SCD: variants seen among roughly 807,000 people sequenced by gnomAD.
SCD encodes stearoyl-CoA desaturase.
Under a neutral mutation model 35.7 loss-of-function variants are expected in SCD, and 4 were observed. That is an observed-to-expected ratio of 0.11 (90% CI 0.06 to 0.26). The LOEUF (loss-of-function observed/expected upper bound fraction) is 0.26. SCD is among the 10% of genes least tolerant of loss of function. SCD has a pLI of 1.00. For missense variants in SCD, 282 were observed against 460.7 expected (o/e 0.61, Z 3.55); for synonymous variants, 150 against 170.2 (o/e 0.88, Z 0.92).
At position 100,347,359 on chromosome 10, in the gene SCD, G is replaced by T. The variant is rs1240584972; in HGVS notation, c.-146G>T. 5.7e-6 allele frequency: 5 copies of T among 878,840 alleles called. No individual in the cohort carries two copies. The East Asian group carries it at 7.9e-5, about 14-fold the overall frequency. The allele number at this position is 878,840 out of a possible 1,614,324, so 54.4% of individuals were successfully genotyped here. A position where few individuals can be genotyped will look rare whatever the true frequency, so the allele number is the denominator to read the frequency against. ...CGGCTCGGGGACCTCCACGCACCGC[G>T]GCTAGCGCCGACAACCAGCTAGCGT... On this transcript the variant is annotated 5_prime_UTR_variant, in exon 1 of 6. Coordinates refer to ENST00000370355, the MANE Select transcript of SCD (RefSeq NM_005063.5).
chr10:100,360,221 CA>C (rs1368686183), intron 5 of SCD, among the ~76,000 whole-genome samples: 1 of 152,214 alleles, frequency 6.6e-6, no homozygotes, highest in East Asian at 1.9e-4. Flanking sequence ...GAGTCATAGC[CA>C]GAGTGCTTCA....
At chr10:100,349,198 A>T (rs1297737174) in intron 2 of SCD, among the ~76,000 whole-genome samples, 1 of 152,156 alleles carries the variant, frequency 6.6e-6, no homozygotes, top group Non-Finnish European at 1.5e-5. Context: ...AATGAGGGAG[A>T]CAGTTCCCAG....
rs1849933657 is a variant in SCD at position 100,356,818 on chromosome 10, T to A, written c.880+54T>A. ...TCCAGTGGTCTGCTGATTAGGGGATTAGGCTAGGAGCCAGAAAAACTAGAT... is the reference window on the plus strand; with the variant it reads ...TCCAGTGGTCTGCTGATTAGGGGATAAGGCTAGGAGCCAGAAAAACTAGAT... On this transcript the variant is annotated intron_variant, in intron 5 of 5. Coordinates refer to ENST00000370355, the MANE Select transcript of SCD (RefSeq NM_005063.5). The surrounding 1 kb of genome is among the most constrained non-coding windows in gnomAD (Gnocchi z 4.1). 1 of 1,425,314 alleles carries A rather than the reference T, an allele frequency of 7.0e-7. No individual in the cohort carries two copies. The highest frequency in any genetic ancestry group is 9.9e-7 in the Non-Finnish European group (1 of 1,012,486). 88.3% of individuals were successfully genotyped at this position (1,425,314 alleles called of 1,614,324 possible). A position where few individuals can be genotyped will look rare whatever the true frequency, so the allele number is the denominator to read the frequency against.
In SCD at chr10:100,347,444, C is replaced by G; in HGVS notation, c.-61C>G. 1.9e-6 allele frequency: 3 copies of G among 1,591,138 alleles called. No homozygotes were observed. The highest frequency in any genetic ancestry group is 8.6e-7 in the Non-Finnish European group (1 of 1,166,594). On this transcript the variant is annotated 5_prime_UTR_variant, in exon 1 of 6. Transcript: ENST00000370355. The stretch of plus-strand genomic sequence containing the variant: ...TTCGAAACCGCAGTCCTCCGGCGAC[C>G]CCGAACTCCGCTCCGGAGCCTCAGC...
At chr10:100,348,001 G>C in intron 1 of SCD, 63 bp from the exon 2 acceptor site, 1 of 1,508,950 alleles carries the variant, frequency 6.6e-7, no homozygotes, top group Non-Finnish European at 9.1e-7. Flanking sequence ...ATTAGAGAGC[G>C]GAGTGGCCCC....
Position 100,352,390 on chromosome 10 carries a change from C to T in SCD, c.335C>T (p.Ala112Val). ...GGGGTATTCTACTATTTTGTCAGTG[C>T]CCTGGGCATAACAGCAGGAGCTCAT... ...LWGVFYYFVS[A>V]LGITAGAHRL... The change falls in exon 3 of 6, where the codon GCC (alanine) becomes GTC (valine). Residue 112 changes from alanine to valine, a missense_variant. By Grantham distance (64) the Ala-to-Val change is moderately conservative (BLOSUM62 0). Around this residue, in one of 2 missense-constraint regions of SCD, gnomAD observed 205 missense variants for 372.3 expected, o/e 0.55. Transcript: ENST00000370355. This position sits in a 1 kb window ranked among gnomAD's most constrained non-coding sequence, Gnocchi z 4.2. 1 of 1,613,934 alleles carries T rather than the reference C, an allele frequency of 6.2e-7. No individual in the cohort carries two copies. The highest frequency in any genetic ancestry group is 1.1e-5 in the South Asian group (1 of 91,076).
Position 100,356,306 on chromosome 10 carries a change from T to C in SCD, c.648-226T>C, listed in dbSNP as rs1849926658. Among the ~76,000 whole-genome samples the C allele has an allele frequency of 6.6e-6, 1 of 151,890 alleles. No individual in the cohort carries two copies. Among genetic ancestry groups the C allele is most frequent in the Non-Finnish European group, 1.5e-5 (1 of 67,950 alleles). ...GTGGGAGGATCTCTTGGCCCAGGAG[T>C]TCAAGGCTGTGGTGAACTAAGGTCA... On this transcript the variant is annotated intron_variant, in intron 4 of 5. Coordinates refer to ENST00000370355, the MANE Select transcript of SCD (RefSeq NM_005063.5). The surrounding 1 kb of genome is among the most constrained non-coding windows in gnomAD (Gnocchi z 4.1).
chr10:100,360,949 G>A lies in SCD; in HGVS notation c.*16G>A. ...GAGTGGCTGAGTTTGGGGTCCCTCA[G>A]GTTCCTTTTTCAAAAACCAGCCAGG... On this transcript the variant is annotated 3_prime_UTR_variant, in exon 6 of 6. Coordinates refer to ENST00000370355, the MANE Select transcript of SCD (RefSeq NM_005063.5). 2.5e-6 allele frequency: 4 copies of A among 1,611,554 alleles called. No individual in the cohort carries two copies. The highest frequency in any genetic ancestry group is 3.3e-4 in the Middle Eastern group (2 of 6,046).
At position 100,361,719 on chromosome 10, in the gene SCD, A is replaced by G. The variant is rs1048501735; in HGVS notation, c.*786A>G. 1 of 152,216 alleles carries G rather than the reference A, an allele frequency of 6.6e-6. No homozygotes were observed. Among genetic ancestry groups the G allele is most frequent in the Non-Finnish European group, 1.5e-5 (1 of 68,034 alleles). The allele number at this position is 152,216 out of a possible 1,614,324, so 9.4% of individuals were successfully genotyped here. ...AAAGACATTTTAAGTTTGTAGTAAA[A>G]GTGGTCTCTGCTGGGGAAGGGTTTT... On this transcript the variant is annotated 3_prime_UTR_variant, in exon 6 of 6. Coordinates refer to ENST00000370355, the MANE Select transcript of SCD (RefSeq NM_005063.5).
At chr10:100,359,464 G>C in intron 5 of SCD, among the ~76,000 whole-genome samples, 1 of 151,798 alleles carries the variant, frequency 6.6e-6, no homozygotes, top group East Asian at 1.9e-4. Context: ...GTGTGCATCT[G>C]ATTCCATTTT....
rs199535276 is a variant in SCD at position 100,347,240 on chromosome 10, T to C, written c.-265T>C. 14 of 542,904 alleles carry C rather than the reference T, an allele frequency of 2.6e-5. No homozygotes were observed. The highest frequency in any genetic ancestry group is 6.8e-5 in the Admixed American group (2 of 29,204). The allele number at this position is 542,904 out of a possible 1,614,324, so 33.6% of individuals were successfully genotyped here. Reference sequence around the variant, plus strand: ...CGCGGGACCGCCCGCGCCAGTCAACTCCTCGCACTTTGCCCCTGCTTGGCA... The same window carrying C: ...CGCGGGACCGCCCGCGCCAGTCAACCCCTCGCACTTTGCCCCTGCTTGGCA... On this transcript the variant is annotated 5_prime_UTR_variant, in exon 1 of 6. Coordinates refer to ENST00000370355, the MANE Select transcript of SCD (RefSeq NM_005063.5).
chr10:100,347,783 T>G (rs1849815695), intron 1 of SCD, among the ~76,000 whole-genome samples: 1 of 152,200 alleles, frequency 6.6e-6, no homozygotes, highest in South Asian at 2.1e-4. Context: ...GGTTTTCCTT[T>G]GTCTTCGTGG....
rs1415408146 is a variant in SCD at position 100,362,040 on chromosome 10, C to T, written c.*1107C>T. 3.3e-5 allele frequency: 5 copies of T among 152,156 alleles called. No individual in the cohort carries two copies. The highest frequency in any genetic ancestry group is 4.8e-5 in the African/African-American group (2 of 41,506). 9.4% of individuals were successfully genotyped at this position (152,156 alleles called of 1,614,324 possible). On this transcript the variant is annotated 3_prime_UTR_variant, in exon 6 of 6. Transcript: ENST00000370355. ...ATATACATATATACATTGCTTAGAA[C>T]GTTAAACTATTAGAGTATTTCCCTT... is the stretch of plus-strand genomic sequence containing the variant.
At chr10:100,351,689 T>A (rs1849874239) in intron 2 of SCD, among the ~76,000 whole-genome samples, 2 of 152,182 alleles carry the variant, frequency 1.3e-5, no homozygotes, top group South Asian at 4.1e-4. Context: ...TGATAAGGCT[T>A]GAGTGCAGTG....
chr10:100,364,127 T>C lies in SCD; in HGVS notation c.*3194T>C, dbSNP rs1327013645. The C allele has an allele frequency of 1.3e-5, 2 of 152,066 alleles. No homozygotes were observed. Among genetic ancestry groups the C allele is most frequent in the Non-Finnish European group, 2.9e-5 (2 of 68,022 alleles). 9.4% of individuals were successfully genotyped at this position (152,066 alleles called of 1,614,324 possible). ...GTATTTGATTTATAAGTTTTTTTTT[T>C]TTTTTTGGGTTAAAAGATGGTTGTA... On this transcript the variant is annotated 3_prime_UTR_variant, in exon 6 of 6. Coordinates refer to ENST00000370355, the MANE Select transcript of SCD (RefSeq NM_005063.5).
Position 100,347,499 on chromosome 10 carries a change from G to T in SCD, c.-6G>T. 1 of 1,613,938 alleles carries T rather than the reference G, an allele frequency of 6.2e-7. No individual in the cohort carries two copies. The highest frequency in any genetic ancestry group is 1.7e-5 in the Admixed American group (1 of 60,010). On this transcript the variant is annotated 5_prime_UTR_variant, in exon 1 of 6. Transcript: ENST00000370355. ...TGGAAAGTGATCCCGGCATCCGAGA[G>T]CCAAGATGCCGGCCCACTTGCTGCA...
intron 3 of SCD, among the ~76,000 whole-genome samples, chr10:100,353,286 T>G (rs1849890147): frequency 6.6e-6 from 1 of 152,098 alleles, no homozygotes; most frequent in African/African-American, 2.4e-5. Flanking sequence ...CATTGAGGTT[T>G]GTTAAGGCAA....
intron 5 of SCD, among the ~76,000 whole-genome samples, chr10:100,359,746 A>G (rs1246469826): frequency 6.6e-6 from 1 of 152,160 alleles, no homozygotes; most frequent in East Asian, 1.9e-4. Context: ...AGAGCCAAAT[A>G]TTAGCTCTTA....
chr10:100,359,227 T>C (rs1215023213), intron 5 of SCD, among the ~76,000 whole-genome samples: 1 of 152,144 alleles, frequency 6.6e-6, no homozygotes, highest in African/African-American at 2.4e-5. Flanking sequence ...TGCCTGCTGC[T>C]TTCCTCCCTT....
Sources: allele counts gnomAD v4.1 joint callset (sites outside exome capture counted in the v4.1 genomes callset), GRCh38; gene constraint gnomAD v4.1.1; regional missense constraint gnomAD v4.1.1; non-coding constraint Gnocchi (gnomAD v3.1); transcripts MANE v1.5; gene names NCBI Gene and HGNC (gene_info 2026-07-23, HGNC 2026-07-21).